The following PHB2 variants were observed in gnomAD, a reference collection of about 807,000 sequenced individuals.
PHB2 encodes prohibitin-2.
A neutral mutation model predicts 46.4 loss-of-function variants in PHB2; 22 were observed. The observed-to-expected ratio is 0.47, with a 90% CI of 0.34 to 0.68. The LOEUF is 0.68. Among genes scored for constraint, PHB2 ranks in the 30% least tolerant of loss-of-function variants. PHB2 has a pLI of 0.01. For synonymous variants in PHB2, 156 were observed against 150.5 expected (o/e 1.04, Z -0.27); for missense variants, 305 against 382.8 (o/e 0.80, Z 1.70).
Position 6,967,013 on chromosome 12 carries a change from T to C in PHB2, c.789+158A>G, listed in dbSNP as rs1264886412. 2.6e-5 allele frequency among the ~76,000 whole-genome samples: 4 copies of C among 152,210 alleles called. No individual in the cohort carries two copies. The highest frequency in any genetic ancestry group is 5.9e-5 in the Non-Finnish European group (4 of 68,042). Reference sequence around the variant, plus strand: ...ATCCACCCACCTTGGCCTCCCAAAGTGCGGGGATTACATGCGTGAGCCACC... The same window carrying C: ...ATCCACCCACCTTGGCCTCCCAAAGCGCGGGGATTACATGCGTGAGCCACC... On this transcript the variant is annotated intron_variant, in intron 7 of 9. Transcript: ENST00000535923. This position sits in a 1 kb window ranked among gnomAD's most constrained non-coding sequence, Gnocchi z 4.9.
intron 2 of PHB2, 24 bp from the exon 3 acceptor site, chr12:6,969,601 T>C (rs1946281337): frequency 6.9e-7 from 1 of 1,456,320 alleles, no homozygotes; most frequent in Non-Finnish European, 9.6e-7. Context: ...GGATAGGTAT[T>C]AAGAGGCCAC....
At chr12:6,970,365 G>C in intron 1 of PHB2, 52 bp downstream of exon 1, 1 of 1,604,880 alleles carries the variant, frequency 6.2e-7, no homozygotes, top group Non-Finnish European at 8.5e-7. Context: ...ACAGGGCAAG[G>C]GGTTTGGGGG....
At chr12:6,966,589 A>G in intron 7 of PHB2, 89 bp from the exon 8 acceptor site, 2 of 835,608 alleles carry the variant, frequency 2.4e-6, no homozygotes, top group South Asian at 2.7e-5. Flanking sequence ...AACATGGAAC[A>G]CATGCAGATT....
intron 2 of PHB2, 40 bp downstream of exon 2, chr12:6,970,156 G>C (rs782781468): frequency 2.0e-6 from 3 of 1,471,326 alleles, no homozygotes; most frequent in Admixed American, 1.7e-5. Context: ...TCGGCGTCAA[G>C]GGTGAAAGGT....
rs1555151950 is a variant in PHB2, at chr12:6,970,529, C to A, written c.15G>T (p.Leu5Phe). MAQN[L>F]KDLAGRLPAG... Reference sequence around the variant, plus strand: ...CGGGCAGCCGTCCCGCCAAGTCCTTCAAGTTCTGGGCCATGTCTGATCTTG... The same window carrying A: ...CGGGCAGCCGTCCCGCCAAGTCCTTAAAGTTCTGGGCCATGTCTGATCTTG... The change falls in exon 1 of 10, where the codon TTG (leucine) becomes TTT (phenylalanine). Residue 5 changes from leucine to phenylalanine, a missense_variant. Leu to Phe is a conservative substitution (Grantham distance 22). Transcript: ENST00000535923. 1.9e-6 allele frequency: 3 copies of A among 1,603,700 alleles called. No homozygotes were observed.
chr12:6,968,260 C>T, intron 4 of PHB2, 151 bp downstream of exon 4: 1 of 698,626 alleles, frequency 1.4e-6, no homozygotes, highest in Non-Finnish European at 2.4e-6. Flanking sequence ...TGCTGGCTCT[C>T]CTTATTTCAC....
chr12:6,967,603 C>G lies in PHB2; in HGVS notation c.711+73G>C. On this transcript the variant is annotated intron_variant, in intron 6 of 9. Coordinates refer to ENST00000535923, the MANE Select transcript of PHB2 (RefSeq NM_001144831.2). This position sits in a 1 kb window ranked among gnomAD's most constrained non-coding sequence, Gnocchi z 4.9. Reference sequence around the variant, plus strand: ...GTCGCATTCGCCTTAGTCTCATCAGCCTGCCCATGAAGGAGAATGGGGAAC... The same window carrying G: ...GTCGCATTCGCCTTAGTCTCATCAGGCTGCCCATGAAGGAGAATGGGGAAC... The G allele has an allele frequency of 8.1e-7, 1 of 1,239,658 alleles. No individual in the cohort carries two copies. The highest frequency in any genetic ancestry group is 1.2e-6 in the Non-Finnish European group (1 of 841,198). The allele number at this position is 1,239,658 out of a possible 1,614,324, so 76.8% of individuals were successfully genotyped here.
intron 3 of PHB2, 167 bp from the exon 4 acceptor site, chr12:6,968,762 T>G (rs1458566565): frequency 1.5e-6 from 1 of 663,160 alleles, no homozygotes; most frequent in Non-Finnish European, 2.8e-6. Context: ...GCAGCACAGC[T>G]GAAATGCACC....
At position 6,967,371 on chromosome 12, in the gene PHB2, C is replaced by G; in HGVS notation, c.712-123G>C. On this transcript the variant is annotated intron_variant, in intron 6 of 9. Coordinates refer to ENST00000535923, the MANE Select transcript of PHB2 (RefSeq NM_001144831.2). This position sits in a 1 kb window ranked among gnomAD's most constrained non-coding sequence, Gnocchi z 4.9. Reference sequence around the variant, plus strand: ...CAAGGTTGCGCTCAGGTGGCTTGTGCCCAGCCCTACCGTGGACCCCACCTG... The same window carrying G: ...CAAGGTTGCGCTCAGGTGGCTTGTGGCCAGCCCTACCGTGGACCCCACCTG... 6.2e-7 allele frequency: 1 copy of G among 1,609,274 alleles called. No homozygotes were observed. The highest frequency in any genetic ancestry group is 8.5e-7 in the Non-Finnish European group (1 of 1,178,080).
At chr12:6,969,872 C>A (rs1293459659) in intron 2 of PHB2, 4 of 557,732 alleles carry the variant, frequency 7.2e-6, no homozygotes, top group Non-Finnish European at 1.3e-5. Flanking sequence ...GCACTCCAGC[C>A]TGGGCGACAG....
chr12:6,969,151 A>G (rs781928352), intron 3 of PHB2, among the ~76,000 whole-genome samples: 1 of 152,262 alleles, frequency 6.6e-6, no homozygotes, highest in African/African-American at 2.4e-5. Context: ...CTTAGGGACA[A>G]ACTTCTCCAG....
intron 7 of PHB2, 104 bp from the exon 8 acceptor site, chr12:6,966,604 C>A: frequency 1.3e-6 from 1 of 774,944 alleles, no homozygotes; most frequent in Non-Finnish European, 2.4e-6. Flanking sequence ...CAGATTAGGG[C>A]AGGGGTGCAG....
At chr12:6,969,276 A>G (rs1383091011) in intron 3 of PHB2, among the ~76,000 whole-genome samples, 1 of 152,188 alleles carries the variant, frequency 6.6e-6, no homozygotes, top group Non-Finnish European at 1.5e-5. Flanking sequence ...GACAAACAAT[A>G]CTCTTATTGA....
chr12:6,966,477 G>T lies in PHB2; in HGVS notation c.813C>A (p.Ile271=), dbSNP rs1946212805. 1.2e-6 allele frequency: 2 copies of T among 1,610,378 alleles called. No individual in the cohort carries two copies. Among genetic ancestry groups the T allele is most frequent in the Admixed American group, 3.3e-5 (2 of 60,002 alleles). ...GCACAAGGTTGTCAGCTGTGAGATA[G>T]ATACGATTCTGTGATGTGGCGATCT... is the stretch of plus-strand genomic sequence containing the variant. ...SKTIATSQNR[I]YLTADNLVLN... Residue 271 remains isoleucine (I), a synonymous_variant, in exon 8 of 10, where the codon ATC becomes ATA. Coordinates refer to ENST00000535923, the MANE Select transcript of PHB2 (RefSeq NM_001144831.2).
rs781850367 is a variant in PHB2 at position 6,969,430 on chromosome 12, C to T, written c.292+68G>A. ...TAAAGGCCTGACACTACCATATTCC[C>T]CTGGGGTTTCTTGCCAGCTACCTTG... is the stretch of plus-strand genomic sequence containing the variant. On this transcript the variant is annotated intron_variant, in intron 3 of 9. Transcript: ENST00000535923. 20 of 825,074 alleles carry T rather than the reference C, an allele frequency of 2.4e-5. No homozygotes were observed. In the African/African-American group the frequency reaches 3.1e-4, roughly 13 times the overall value. The allele number at this position is 825,074 out of a possible 1,614,324, so 51.1% of individuals were successfully genotyped here.
rs1450482621 is a variant in PHB2, at chr12:6,967,587, G to T, written c.711+89C>A. The T allele has an allele frequency of 1.8e-6, 2 of 1,102,204 alleles. No individual in the cohort carries two copies. Among genetic ancestry groups the T allele is most frequent in the South Asian group, 1.2e-5 (1 of 80,612 alleles). The allele number at this position is 1,102,204 out of a possible 1,614,324, so 68.3% of individuals were successfully genotyped here. ...GGCCAGAGAGCACGGAGTCGCATTC[G>T]CCTTAGTCTCATCAGCCTGCCCATG... On this transcript the variant is annotated intron_variant, in intron 6 of 9. Coordinates refer to ENST00000535923, the MANE Select transcript of PHB2 (RefSeq NM_001144831.2). This position sits in a 1 kb window ranked among gnomAD's most constrained non-coding sequence, Gnocchi z 4.9.
intron 8 of PHB2, 122 bp downstream of exon 8, chr12:6,966,302 T>C (rs1205505408): frequency 2.9e-6 from 2 of 699,000 alleles, no homozygotes; most frequent in Non-Finnish European, 5.2e-6. Context: ...CCACCCCCTT[T>C]TCTAATTTTG....
chr12:6,965,836 G>A, intron 9 of PHB2, 75 bp downstream of exon 9: 1 of 1,585,494 alleles, frequency 6.3e-7, no homozygotes, highest in Non-Finnish European at 8.6e-7. Context: ...CGGGGAGGTG[G>A]GAAAGGGGGT....
Position 6,970,478 on chromosome 12 carries a change from GGCCGTGCC to G in PHB2, c.58_65del (p.Gly20ProfsTer60). The G allele has an allele frequency of 6.2e-7, 1 of 1,605,564 alleles. No homozygotes were observed. On this transcript the variant is annotated frameshift_variant, in exon 1 of 10. Coordinates refer to ENST00000535923, the MANE Select transcript of PHB2 (RefSeq NM_001144831.2). LOFTEE classifies it high-confidence loss of function. The stretch of plus-strand genomic sequence containing the variant: ...CGCCGGCCCCCAGCAACAGCTTCAG[GGCCGTGCC>G]CATGCCCCGGGGCCCGGCGGGCAGC...
Sources: gnomAD v4.1 joint callset for allele counts (sites outside exome capture counted in the v4.1 genomes callset) on GRCh38, gnomAD v4.1.1 for gene constraint, Gnocchi (gnomAD v3.1) non-coding constraint, MANE v1.5 for transcripts, NCBI Gene and HGNC (gene_info 2026-07-23, HGNC 2026-07-21) for gene names.